The following PDE7A variants were observed in gnomAD, a reference collection of about 807,000 sequenced individuals.
PDE7A encodes phosphodiesterase 7A, also known as high affinity 3',5'-cyclic-AMP phosphodiesterase 7A.
A neutral mutation model predicts 64.3 loss-of-function variants in PDE7A; 39 were observed. The ratio of observed to expected loss-of-function variants is 0.61; its 90% CI spans 0.47 to 0.79. The LOEUF (loss-of-function observed/expected upper bound fraction) is 0.79, where lower values mean the gene tolerates loss of function less well. PDE7A is among the 30% of genes least tolerant of loss of function. PDE7A has a pLI of 0.00. For missense variants in PDE7A, 470 were observed against 582.8 expected, an observed-to-expected ratio of 0.81 and a Z score of 1.99; for synonymous variants, 203 against 206.8, an observed-to-expected ratio of 0.98 and a Z score of 0.16.
At chr8:65,830,550 A>G (rs1219839685) in intron 1 of PDE7A, among the ~76,000 whole-genome samples, 3 of 152,142 alleles carry the variant, frequency 2.0e-5, no homozygotes, top group Non-Finnish European at 4.4e-5. Context: ...AGAAATGGAT[A>G]AAATAATTGA....
intron 3 of PDE7A, among the ~76,000 whole-genome samples, chr8:65,757,071 T>C (rs1304179316): frequency 6.6e-6 from 1 of 152,164 alleles, no homozygotes; most frequent in Non-Finnish European, 1.5e-5. Flanking sequence ...AATGCGGTCC[T>C]CTTGGGTTTT....
At chr8:65,766,538 GC>G (rs1808794216) in intron 3 of PDE7A, among the ~76,000 whole-genome samples, 1 of 152,206 alleles carries the variant, frequency 6.6e-6, no homozygotes, top group African/African-American at 2.4e-5. Context: ...GAGCAAGGGA[GC>G]CTGTTAGAAC....
At chr8:65,793,839 G>A (rs1427726883) in intron 1 of PDE7A, among the ~76,000 whole-genome samples, 1 of 152,140 alleles carries the variant, frequency 6.6e-6, no homozygotes, top group African/African-American at 2.4e-5. Context: ...GTAGGACCAG[G>A]AGCACAAGTT....
rs546476330 is a variant in PDE7A, at chr8:65,812,895, A to AAAC, written c.138+28473_138+28475dup. On this transcript the variant is annotated intron_variant, in intron 1 of 12. Transcript: ENST00000401827. ...TAAGGGTATGGAGATAACGAGAAAG[A>AAAC]AACAACAGATACCCGCACTGTTCAA... 3.6e-3 allele frequency among the ~76,000 whole-genome samples: 555 copies of AAAC among 152,330 alleles called. 3 individuals carry two copies. Among genetic ancestry groups the AAAC allele is most frequent in the African/African-American group, 0.013 (524 of 41,568 alleles).
intron 3 of PDE7A, among the ~76,000 whole-genome samples, chr8:65,774,416 T>C (rs944362827): frequency 2.0e-5 from 3 of 152,124 alleles, no homozygotes; most frequent in Non-Finnish European, 4.4e-5. Flanking sequence ...CATCAATCTT[T>C]TAAAGATCTT....
chr8:65,822,445 T>C (rs142657924), intron 1 of PDE7A, among the ~76,000 whole-genome samples: 1 of 152,332 alleles, frequency 6.6e-6, no homozygotes, highest in African/African-American at 2.4e-5. Context: ...GGACTCTCCG[T>C]AGGACTGGGT....
At chr8:65,801,484 C>T (rs952407908) in intron 1 of PDE7A, among the ~76,000 whole-genome samples, 52 of 152,232 alleles carry the variant, frequency 3.4e-4, no homozygotes, top group African/African-American at 1.2e-3. Flanking sequence ...TTCACAACCT[C>T]ATGGGTCAAT....
At chr8:65,820,531 C>CT (rs1810517724) in intron 1 of PDE7A, among the ~76,000 whole-genome samples, 1 of 152,026 alleles carries the variant, frequency 6.6e-6, no homozygotes, top group Non-Finnish European at 1.5e-5. Context: ...ATTAATTATT[C>CT]TTTATCAAAC....
intron 3 of PDE7A, among the ~76,000 whole-genome samples, chr8:65,764,415 C>T (rs1808665757): frequency 6.6e-6 from 1 of 152,220 alleles, no homozygotes; most frequent in South Asian, 2.1e-4. Context: ...TGATGGATAG[C>T]TGCTTTCGCA....
At chr8:65,779,859 C>G (rs1461187426) in intron 2 of PDE7A, 56 bp from the exon 3 acceptor site, 14 of 1,083,608 alleles carry the variant, frequency 1.3e-5, no homozygotes, top group Non-Finnish European at 1.9e-5. Context: ...CGGGAAGAAG[C>G]TTCCATATGC....
At chr8:65,810,300 G>A (rs563448782) in intron 1 of PDE7A, among the ~76,000 whole-genome samples, 17 of 146,120 alleles carry the variant, frequency 1.2e-4, no homozygotes, top group African/African-American at 4.2e-4. Context: ...TGAACAATGA[G>A]AACACTTGGA....
intron 1 of PDE7A, among the ~76,000 whole-genome samples, chr8:65,804,203 A>G (rs536928446): frequency 6.6e-6 from 1 of 152,176 alleles, no homozygotes; most frequent in Non-Finnish European, 1.5e-5. Flanking sequence ...TATCATTTTT[A>G]AAGTCTCTCT....
intron 4 of PDE7A, among the ~76,000 whole-genome samples, chr8:65,747,403 C>CT (rs1807723975): frequency 6.6e-6 from 1 of 152,092 alleles, no homozygotes. Flanking sequence ...TATTGATCTC[C>CT]TTGTTACGTA....
chr8:65,723,977 G>C (rs973103635), intron 11 of PDE7A, among the ~76,000 whole-genome samples: 4 of 152,110 alleles, frequency 2.6e-5, no homozygotes, highest in African/African-American at 9.7e-5. Flanking sequence ...CAAGGATAAA[G>C]CAAGTTCAGG....
chr8:65,812,415 A>T (rs1277407518), intron 1 of PDE7A, among the ~76,000 whole-genome samples: 1 of 152,194 alleles, frequency 6.6e-6, no homozygotes, highest in Non-Finnish European at 1.5e-5. Context: ...TGGAGCAAAG[A>T]TCAAAACATG....
intron 3 of PDE7A, among the ~76,000 whole-genome samples, chr8:65,750,474 CTGTGTG>C (rs371620919): frequency 4.2e-5 from 6 of 142,626 alleles, no homozygotes; most frequent in East Asian, 4.0e-4. Flanking sequence ...ATTAGAATCA[CTGTGTG>C]TGTGTGTGTG....
At chr8:65,784,159 G>C (rs1809488490) in intron 1 of PDE7A, among the ~76,000 whole-genome samples, 1 of 152,010 alleles carries the variant, frequency 6.6e-6, no homozygotes, top group South Asian at 2.1e-4. Context: ...CAGTGAGCTA[G>C]GATGGCACCA....
intron 1 of PDE7A, among the ~76,000 whole-genome samples, chr8:65,791,760 A>T (rs955314823): frequency 1.3e-5 from 2 of 152,228 alleles, no homozygotes; most frequent in Non-Finnish European, 2.9e-5. Flanking sequence ...CTGAAGTCGT[A>T]AAGCTTTCAT....
In PDE7A at chr8:65,789,091, G is replaced by A. The variant is rs1357641265; in HGVS notation, c.139-6248C>T. ...CCTCAAGCAGCTGCCTTCCAACAGTGATCACCTGACTCCTCTGGGAATGCA... is the reference window on the plus strand; with the variant it reads ...CCTCAAGCAGCTGCCTTCCAACAGTAATCACCTGACTCCTCTGGGAATGCA... On this transcript the variant is annotated intron_variant, in intron 1 of 12. Transcript: ENST00000401827. The A allele has an allele frequency of 2.9e-6, 4 of 1,385,068 alleles. No individual in the cohort carries two copies. The East Asian group carries it at 7.6e-5, about 26-fold the overall frequency. 85.8% of individuals were successfully genotyped at this position (1,385,068 alleles called of 1,614,324 possible).
Sources: gnomAD v4.1 joint callset for allele counts (sites outside exome capture counted in the v4.1 genomes callset) on GRCh38, gnomAD v4.1.1 for gene constraint, MANE v1.5 for transcripts, NCBI Gene and HGNC (gene_info 2026-07-23, HGNC 2026-07-21) for gene names.